The following WWOX variants were observed in gnomAD, a reference collection of about 807,000 sequenced individuals.
WWOX encodes WW domain-containing oxidoreductase.
WWOX carries 69 observed loss-of-function variants against 46.2 expected under a neutral mutation model. The observed-to-expected ratio is 1.49, with a 90% CI of 1.23 to 1.82. The LOEUF is 1.82. WWOX is among the 40% of genes most tolerant of loss of function. WWOX has a pLI of 0.00. For synonymous variants in WWOX, 359 were observed against 202.6 expected, an observed-to-expected ratio of 1.77 and a Z score of -6.56; for missense variants, 919 against 542.6, an observed-to-expected ratio of 1.69 and a Z score of -6.89.
chr16:78,969,274 T>A (rs1287724800), intron 8 of WWOX, among the ~76,000 whole-genome samples: 4 of 151,508 alleles, frequency 2.6e-5, no homozygotes, highest in South Asian at 2.1e-4. Flanking sequence ...TCTCTCTTTT[T>A]TTTTTTTTCT....
intron 8 of WWOX, among the ~76,000 whole-genome samples, chr16:78,486,647 T>C (rs142528348): frequency 0.019 from 2,880 of 152,258 alleles, 43 homozygotes; most frequent in Non-Finnish European, 0.029. Flanking sequence ...TGATCTCCGC[T>C]CACTGCAGCC....
At chr16:79,027,502 T>C (rs1294732469) in intron 8 of WWOX, among the ~76,000 whole-genome samples, 1 of 151,810 alleles carries the variant, frequency 6.6e-6, no homozygotes, top group Non-Finnish European at 1.5e-5. Flanking sequence ...ACTAATGACT[T>C]CTGCCTGCCA....
intron 5 of WWOX, among the ~76,000 whole-genome samples, chr16:78,373,093 G>A (rs986758278): frequency 1.3e-5 from 2 of 152,056 alleles, no homozygotes; most frequent in African/African-American, 2.4e-5. Context: ...ACTGGACAAT[G>A]CTTTTTTTCA....
At chr16:78,813,805 A>AT (rs35576393) in intron 8 of WWOX, among the ~76,000 whole-genome samples, 29 of 151,810 alleles carry the variant, frequency 1.9e-4, no homozygotes, top group African/African-American at 5.1e-4. Flanking sequence ...AGCTCATTTT[A>AT]TTTTTTTTCT....
intron 8 of WWOX, among the ~76,000 whole-genome samples, chr16:78,977,697 A>G (rs369881033): frequency 1.3e-5 from 2 of 152,100 alleles, no homozygotes; most frequent in East Asian, 1.9e-4. Context: ...GAGGGCTCGG[A>G]TCATCAGCAG....
At chr16:78,697,786 G>T (rs1177645057) in intron 8 of WWOX, among the ~76,000 whole-genome samples, 1 of 152,124 alleles carries the variant, frequency 6.6e-6, no homozygotes, top group Admixed American at 6.6e-5. Context: ...TTTCAACTCG[G>T]TATAGGGTTT....
intron 8 of WWOX, among the ~76,000 whole-genome samples, chr16:78,647,452 G>T (rs2046870090): frequency 6.6e-6 from 1 of 152,116 alleles, no homozygotes; most frequent in Non-Finnish European, 1.5e-5. Context: ...CATGATCATG[G>T]ACCCGTTCAG....
At chr16:78,387,329 A>G (rs938139306) in intron 6 of WWOX, among the ~76,000 whole-genome samples, 1 of 152,198 alleles carries the variant, frequency 6.6e-6, no homozygotes, top group Non-Finnish European at 1.5e-5. Flanking sequence ...GTTATCCAGT[A>G]TGGCAGGGAG....
chr16:79,121,789 C>G (rs1043524549), intron 8 of WWOX, among the ~76,000 whole-genome samples: 8 of 152,124 alleles, frequency 5.3e-5, no homozygotes, highest in African/African-American at 1.7e-4. Context: ...AGGTCCATTA[C>G]TCTTTAAAAG....
At chr16:78,639,791 C>T (rs576409428) in intron 8 of WWOX, among the ~76,000 whole-genome samples, 1 of 152,112 alleles carries the variant, frequency 6.6e-6, no homozygotes, top group African/African-American at 2.4e-5. Context: ...GTCTTGAACT[C>T]CTGACCTCAG....
chr16:78,271,833 A>G (rs1226088663), intron 5 of WWOX, among the ~76,000 whole-genome samples: 2 of 152,168 alleles, frequency 1.3e-5, no homozygotes, highest in African/African-American at 4.8e-5. Context: ...AGGGTAGGAC[A>G]TTTTGGTAGC....
intron 4 of WWOX, among the ~76,000 whole-genome samples, chr16:78,136,361 C>T (rs1074964): frequency 0.65 from 98,919 of 152,084 alleles, 32,592 homozygotes; most frequent in East Asian, 0.75. Flanking sequence ...AGATTCATAA[C>T]AGGCTTATTT....
chr16:78,730,706 C>A (rs542371948), intron 8 of WWOX, among the ~76,000 whole-genome samples: 15 of 151,226 alleles, frequency 9.9e-5, no homozygotes, highest in Non-Finnish European at 2.1e-4. Context: ...GCGATACTCC[C>A]TCCTTATCCT....
chr16:78,420,974 G>A (rs1268318881), intron 6 of WWOX, among the ~76,000 whole-genome samples: 2 of 152,130 alleles, frequency 1.3e-5, no homozygotes, highest in South Asian at 2.1e-4. Flanking sequence ...GAGAAAGTTT[G>A]GGAACCTCTG....
chr16:79,059,284 C>T (rs921866316), intron 8 of WWOX, among the ~76,000 whole-genome samples: 7 of 152,272 alleles, frequency 4.6e-5, no homozygotes, highest in Admixed American at 1.3e-4. Flanking sequence ...AAGACACCCT[C>T]ATGTTGAAGT....
At chr16:78,250,221 A>G (rs552209094) in intron 5 of WWOX, among the ~76,000 whole-genome samples, 2 of 152,292 alleles carry the variant, frequency 1.3e-5, no homozygotes, top group East Asian at 3.9e-4. Flanking sequence ...TCTTTAGCAC[A>G]ACGTCTATCT....
intron 8 of WWOX, among the ~76,000 whole-genome samples, chr16:79,060,951 T>C (rs911270687): frequency 5.3e-5 from 8 of 152,158 alleles, no homozygotes; most frequent in African/African-American, 1.7e-4. Flanking sequence ...ATTTCACTGA[T>C]GGAAAAACAA....
chr16:79,013,286 C>T (rs1247547292), intron 8 of WWOX, among the ~76,000 whole-genome samples: 1 of 152,134 alleles, frequency 6.6e-6, no homozygotes, highest in East Asian at 1.9e-4. Context: ...ATGCATACGC[C>T]TGTCCTCATG....
chr16:79,060,828 T>C (rs1356028771), intron 8 of WWOX, among the ~76,000 whole-genome samples: 2 of 152,210 alleles, frequency 1.3e-5, no homozygotes, highest in Non-Finnish European at 2.9e-5. Context: ...ATTTGAGGGA[T>C]AGTGGCCAAT....
Sources: gnomAD v4.1 joint callset for allele counts (sites outside exome capture counted in the v4.1 genomes callset) on GRCh38, gnomAD v4.1.1 for gene constraint, MANE v1.5 for transcripts, NCBI Gene and HGNC (gene_info 2026-07-23, HGNC 2026-07-21) for gene names.